Variants in ST18 observed in about 807,000 individuals in gnomAD.
The protein encoded by ST18 is suppression of tumorigenicity 18 protein.
A neutral mutation model predicts 110.0 loss-of-function variants in ST18; 50 were observed. The observed-to-expected ratio is 0.45, with a 90% CI of 0.36 to 0.58. The LOEUF is 0.58. ST18 is among the 20% of genes least tolerant of loss of function. The probability of loss-of-function intolerance (pLI) is 0.00; values close to 1 mark genes in which losing one functional copy is unlikely to be tolerated. For missense variants in ST18, 1,306 were observed against 1,280.1 expected, an observed-to-expected ratio of 1.02 and a Z score of -0.31; for synonymous variants, 461 against 452.4, an observed-to-expected ratio of 1.02 and a Z score of -0.24.
chr8:52,182,139 G>A (rs890628313), intron 8 of ST18, among the ~76,000 whole-genome samples: 4 of 152,178 alleles, frequency 2.6e-5, no homozygotes, highest in Non-Finnish European at 5.9e-5. Context: ...AGATATTAAA[G>A]CAGGGAAAGG....
chr8:52,265,610 G>T (rs1302288157), intron 2 of ST18, among the ~76,000 whole-genome samples: 2 of 152,210 alleles, frequency 1.3e-5, no homozygotes, highest in African/African-American at 4.8e-5. Flanking sequence ...CACAGAATTT[G>T]CTGGTGGTGA....
At chr8:52,391,461 G>A (rs79802321) in intron 2 of ST18, among the ~76,000 whole-genome samples, 8,920 of 152,212 alleles carry the variant, frequency 0.059, 535 homozygotes, top group African/African-American at 0.14. Context: ...AATTTCAGTC[G>A]CGCGTCTCAC....
chr8:52,197,216 G>T (rs2135277195), intron 8 of ST18, among the ~76,000 whole-genome samples: 1 of 152,208 alleles, frequency 6.6e-6, no homozygotes, highest in Admixed American at 6.5e-5. Flanking sequence ...AATAACAAAG[G>T]CAATGAATAT....
chr8:52,300,399 CTA>C (rs1381147558), intron 2 of ST18, among the ~76,000 whole-genome samples: 2 of 152,160 alleles, frequency 1.3e-5, no homozygotes, highest in Non-Finnish European at 2.9e-5. Flanking sequence ...TAAAGGATGA[CTA>C]AATTCTTAAT....
intron 16 of ST18, among the ~76,000 whole-genome samples, chr8:52,145,447 C>T (rs866133373): frequency 6.6e-6 from 1 of 152,016 alleles, no homozygotes; most frequent in Non-Finnish European, 1.5e-5. Context: ...GTCTTTTCCC[C>T]TTTTCTTTGC....
intron 2 of ST18, among the ~76,000 whole-genome samples, chr8:52,399,957 T>C (rs1357597058): frequency 6.6e-6 from 1 of 152,048 alleles, no homozygotes; most frequent in Non-Finnish European, 1.5e-5. Flanking sequence ...ATCCAGTGTT[T>C]CCTTATTAAT....
chr8:52,128,829 A>T (rs535874770), intron 22 of ST18, among the ~76,000 whole-genome samples: 62 of 152,292 alleles, frequency 4.1e-4, no homozygotes, highest in Admixed American at 3.1e-3. Context: ...ACTGAGGATA[A>T]TTATAATAAC....
At chr8:52,196,135 G>A (rs1361318956) in intron 8 of ST18, among the ~76,000 whole-genome samples, 2 of 152,330 alleles carry the variant, frequency 1.3e-5, no homozygotes, top group East Asian at 1.9e-4. Context: ...AAGCACAGAA[G>A]TAGAGGTTTG....
chr8:52,133,378 T>A, intron 19 of ST18, 77 bp from the exon 20 acceptor site: 1 of 1,528,456 alleles, frequency 6.5e-7, no homozygotes, highest in Non-Finnish European at 9.1e-7. Context: ...GTTATTTAGG[T>A]TCTTCAGTAA....
At chr8:52,115,661 T>TCA (rs946729105) in intron 25 of ST18, among the ~76,000 whole-genome samples, 13 of 152,204 alleles carry the variant, frequency 8.5e-5, no homozygotes, top group African/African-American at 3.1e-4. Flanking sequence ...TGTATGATGT[T>TCA]CACACAACAT....
At chr8:52,268,077 G>A (rs1425197993) in intron 2 of ST18, among the ~76,000 whole-genome samples, 1 of 152,210 alleles carries the variant, frequency 6.6e-6, no homozygotes, top group Non-Finnish European at 1.5e-5. Context: ...GAATGCATTA[G>A]GAATGTGTCA....
At chr8:52,166,784 C>A (rs1193932749) in intron 11 of ST18, 68 bp downstream of exon 11, 2 of 1,399,524 alleles carry the variant, frequency 1.4e-6, no homozygotes, top group African/African-American at 2.9e-5. Context: ...AATTGGGAGA[C>A]AAAGAGGATA....
intron 2 of ST18, among the ~76,000 whole-genome samples, chr8:52,386,541 C>T (rs1221814123): frequency 6.6e-6 from 1 of 151,154 alleles, no homozygotes; most frequent in Non-Finnish European, 1.5e-5. Flanking sequence ...ATAAAAAAAG[C>T]TAATGTTAAA....
chr8:52,219,718 C>A (rs1335361475), intron 5 of ST18, among the ~76,000 whole-genome samples: 1 of 152,174 alleles, frequency 6.6e-6, no homozygotes, highest in Non-Finnish European at 1.5e-5. Context: ...CATGTGTAGG[C>A]ACATTCCCCC....
intron 2 of ST18, among the ~76,000 whole-genome samples, chr8:52,328,752 T>C (rs1018114474): frequency 6.6e-6 from 1 of 152,150 alleles, no homozygotes; most frequent in Non-Finnish European, 1.5e-5. Flanking sequence ...TTTTGAGAGA[T>C]AATTTACAGT....
At chr8:52,180,397 A>C in intron 8 of ST18, 85 bp from the exon 9 acceptor site, 1 of 1,482,342 alleles carries the variant, frequency 6.7e-7, no homozygotes, top group East Asian at 2.3e-5. Context: ...TCTAACCTAA[A>C]GCCTTTGGAA....
chr8:52,249,941 C>G (rs759654772), intron 2 of ST18, among the ~76,000 whole-genome samples: 1 of 152,046 alleles, frequency 6.6e-6, no homozygotes, highest in Non-Finnish European at 1.5e-5. Flanking sequence ...CTTTCTTGAG[C>G]AGTTTCTCCT....
chr8:52,276,404 C>T (rs891258431), intron 2 of ST18, among the ~76,000 whole-genome samples: 1 of 151,338 alleles, frequency 6.6e-6, no homozygotes, highest in African/African-American at 2.4e-5. Flanking sequence ...TTCACATACA[C>T]ACACCACACC....
chr8:52,406,100 CAA>C (rs1844384948), intron 2 of ST18: 1 of 152,066 alleles, frequency 6.6e-6, no homozygotes, highest in South Asian at 2.1e-4. Context: ...GCTGTGAAGA[CAA>C]GAGTCAAAAT....
Sources: allele counts gnomAD v4.1 joint callset (sites outside exome capture counted in the v4.1 genomes callset), GRCh38; gene constraint gnomAD v4.1.1; transcripts MANE v1.5; gene names NCBI Gene and HGNC (gene_info 2026-07-23, HGNC 2026-07-21).